CDH11: variants seen among roughly 807,000 people sequenced by gnomAD.
CDH11 encodes the protein cadherin-11.
In CDH11, 11 loss-of-function variants were observed where a neutral mutation model predicts 67.8. The observed-to-expected ratio is 0.16, with a 90% CI of 0.10 to 0.27. The LOEUF (loss-of-function observed/expected upper bound fraction) is 0.27. Among genes scored for constraint, CDH11 ranks in the 10% least tolerant of loss-of-function variants. The pLI is 1.00. For missense variants in CDH11, 847 were observed against 1,031.2 expected (o/e 0.82, Z 2.45); for synonymous variants, 419 against 400.0 (o/e 1.05, Z -0.57).
chr16:65,048,061 A>G (rs1040056377), intron 2 of CDH11, among the ~76,000 whole-genome samples: 2 of 152,228 alleles, frequency 1.3e-5, no homozygotes, highest in Non-Finnish European at 2.9e-5. Flanking sequence ...ATTGATACAC[A>G]TGATTTATTA....
chr16:65,025,893 T>C (rs949062550), intron 2 of CDH11, among the ~76,000 whole-genome samples: 5 of 152,100 alleles, frequency 3.3e-5, no homozygotes, highest in African/African-American at 9.7e-5. Flanking sequence ...GGCTAGGGGA[T>C]GGTGCAGGTA....
intron 1 of CDH11, among the ~76,000 whole-genome samples, chr16:65,093,225 T>TTC (rs2074824649): frequency 6.6e-6 from 1 of 150,462 alleles, no homozygotes; most frequent in East Asian, 1.9e-4. Flanking sequence ...TTTTTTTTTT[T>TTC]TTTTTTTAAG....
chr16:65,093,701 G>C (rs1018514506), intron 1 of CDH11, among the ~76,000 whole-genome samples: 2 of 152,052 alleles, frequency 1.3e-5, no homozygotes, highest in Non-Finnish European at 2.9e-5. Flanking sequence ...GTAGATACTA[G>C]GTATACAGAG....
intron 11 of CDH11, among the ~76,000 whole-genome samples, chr16:64,962,197 A>G (rs1032381652): frequency 6.6e-6 from 1 of 152,192 alleles, no homozygotes; most frequent in Non-Finnish European, 1.5e-5. Flanking sequence ...AATAAATTAA[A>G]ACAGTTATAA....
chr16:65,066,177 C>A (rs760752061), intron 1 of CDH11, among the ~76,000 whole-genome samples: 1 of 152,208 alleles, frequency 6.6e-6, no homozygotes, highest in Non-Finnish European at 1.5e-5. Flanking sequence ...CTCCTTCATT[C>A]CTACTTTTGC....
chr16:64,953,299 CAT>C (rs35651574), intron 11 of CDH11, among the ~76,000 whole-genome samples: 14 of 149,380 alleles, frequency 9.4e-5, no homozygotes, highest in Admixed American at 1.3e-4. Context: ...TATACACACA[CAT>C]ATATATATAT....
At chr16:65,015,443 T>TG (rs1452543064) in intron 2 of CDH11, among the ~76,000 whole-genome samples, 1 of 145,700 alleles carries the variant, frequency 6.9e-6, no homozygotes, top group African/African-American at 2.5e-5. Context: ...AAATAAAGAG[T>TG]GAAAAAAAAA....
At chr16:64,970,287 A>C (rs1768262038) in intron 11 of CDH11, among the ~76,000 whole-genome samples, 1 of 152,174 alleles carries the variant, frequency 6.6e-6, no homozygotes, top group Non-Finnish European at 1.5e-5. Context: ...AGAAATAATA[A>C]GGTAAATCAA....
intron 2 of CDH11, among the ~76,000 whole-genome samples, chr16:65,026,922 G>A (rs894585451): frequency 4.6e-5 from 7 of 152,160 alleles, no homozygotes; most frequent in African/African-American, 1.7e-4. Flanking sequence ...GCAGCCAGAC[G>A]ATAAATATCT....
chr16:64,947,832 A>G lies in CDH11; in HGVS notation c.2162T>C (p.Ile721Thr). The G allele has an allele frequency of 1.9e-6, 3 of 1,614,152 alleles. No homozygotes were observed. The highest frequency in any genetic ancestry group is 2.5e-6 in the Non-Finnish European group (3 of 1,180,008). The change falls in exon 13 of 13, where the codon ATC (isoleucine) becomes ACC (threonine). Residue 721 changes from isoleucine (I) to threonine (T), a missense_variant. Physicochemically the swap from Ile to Thr is moderately conservative, Grantham distance 89. Around this residue, in one of 2 missense-constraint regions of CDH11, gnomAD observed 612 missense variants for 678.7 expected, o/e 0.90. Coordinates refer to ENST00000268603, the MANE Select transcript of CDH11 (RefSeq NM_001797.4). Reference protein sequence around the residue: ...APNSVDVDDFINTRIQEADND... With the variant: ...APNSVDVDDFTNTRIQEADND... ...GTCTGCCTCCTGTATTCTCGTGTTG[A>G]TGAAGTCATCGACATCCACGCTGTT...
rs536168654 is a variant in CDH11 at position 65,121,433 on chromosome 16, G to A, written c.-298+447C>T. Among the ~76,000 whole-genome samples the A allele has an allele frequency of 2.0e-5, 3 of 152,296 alleles. No individual in the cohort carries two copies. Among genetic ancestry groups the A allele is most frequent in the East Asian group, 3.9e-4 (2 of 5,156 alleles). Reference sequence around the variant, plus strand: ...ATGGAGTAAGAACCCCGCAGAGCGCGGTCATGTCGCCGCTTTGGGGAAGCG... The same window carrying A: ...ATGGAGTAAGAACCCCGCAGAGCGCAGTCATGTCGCCGCTTTGGGGAAGCG... On this transcript the variant is annotated intron_variant, in intron 1 of 12. Coordinates refer to ENST00000268603, the MANE Select transcript of CDH11 (RefSeq NM_001797.4). The surrounding 1 kb of genome is among the most constrained non-coding windows in gnomAD (Gnocchi z 4.1).
intron 11 of CDH11, among the ~76,000 whole-genome samples, chr16:64,961,905 AC>A (rs963050154): frequency 6.6e-6 from 1 of 151,822 alleles, no homozygotes; most frequent in South Asian, 2.1e-4. Context: ...TCACACACAC[AC>A]CCCCCAAAAC....
intron 2 of CDH11, among the ~76,000 whole-genome samples, 177 bp from the exon 3 acceptor site, chr16:65,005,218 T>C (rs1364553139): frequency 6.6e-6 from 1 of 152,184 alleles, no homozygotes; most frequent in East Asian, 1.9e-4. Context: ...GATAAGAGTG[T>C]ACCCAGTACA....
intron 1 of CDH11, among the ~76,000 whole-genome samples, chr16:65,087,488 G>T (rs967629695): frequency 1.1e-4 from 17 of 152,164 alleles, no homozygotes; most frequent in African/African-American, 4.1e-4. Flanking sequence ...ATCACATGCT[G>T]CTGCAGGGAG....
chr16:64,945,110 C>T lies in CDH11; in HGVS notation c.*2493G>A, dbSNP rs992148160. Reference sequence around the variant, plus strand: ...TGAGGAAAAGAACAGAAGCATGTTCCTTCTTTTAGCTGCATAGATGGTATA... The same window carrying T: ...TGAGGAAAAGAACAGAAGCATGTTCTTTCTTTTAGCTGCATAGATGGTATA... On this transcript the variant is annotated 3_prime_UTR_variant, in exon 13 of 13. Coordinates refer to ENST00000268603, the MANE Select transcript of CDH11 (RefSeq NM_001797.4). 4.9e-6 allele frequency: 1 copy of T among 203,012 alleles called. No homozygotes were observed. Among genetic ancestry groups the T allele is most frequent in the African/African-American group, 2.3e-5 (1 of 43,688 alleles). 12.6% of individuals were successfully genotyped at this position (203,012 alleles called of 1,614,324 possible).
At chr16:65,050,230 T>C (rs1387470238) in intron 2 of CDH11, among the ~76,000 whole-genome samples, 1 of 152,158 alleles carries the variant, frequency 6.6e-6, no homozygotes, top group Admixed American at 6.5e-5. Flanking sequence ...AAATTCCTCC[T>C]CTGTTCCTAA....
intron 7 of CDH11, chr16:64,986,686 G>T (rs2142475677): frequency 6.6e-6 from 1 of 152,196 alleles, no homozygotes; most frequent in Middle Eastern, 3.4e-3. Context: ...GCTCCCTGTG[G>T]TTGATAATTA....
intron 2 of CDH11, among the ~76,000 whole-genome samples, chr16:65,048,062 T>C (rs1173578760): frequency 3.3e-5 from 5 of 152,190 alleles, no homozygotes. Context: ...TTGATACACA[T>C]GATTTATTAT....
intron 2 of CDH11, among the ~76,000 whole-genome samples, chr16:65,043,158 C>G (rs1484241128): frequency 1.3e-5 from 2 of 152,228 alleles, no homozygotes; most frequent in Non-Finnish European, 2.9e-5. Context: ...TTGTTCACCA[C>G]AGTATCTTGG....
Sources: gnomAD v4.1 joint callset for allele counts (sites outside exome capture counted in the v4.1 genomes callset) on GRCh38, gnomAD v4.1.1 for gene constraint, gnomAD v4.1.1 regional missense constraint, Gnocchi (gnomAD v3.1) non-coding constraint, MANE v1.5 for transcripts, NCBI Gene and HGNC (gene_info 2026-07-23, HGNC 2026-07-21) for gene names.